The following C10orf90 variants were observed in gnomAD, a reference collection of about 807,000 sequenced individuals.
C10orf90 encodes the protein (E2-independent) E3 ubiquitin-conjugating enzyme FATS.
C10orf90 carries 56 observed loss-of-function variants against 62.5 expected under a neutral mutation model. That is an observed-to-expected ratio of 0.90 (90% CI 0.72 to 1.12). The LOEUF (loss-of-function observed/expected upper bound fraction) is 1.12. Ranked by LOEUF, C10orf90 falls within the 50% of genes most tolerant of loss-of-function variation. The probability of loss-of-function intolerance (pLI) is 0.00; values close to 1 mark genes in which losing one functional copy is unlikely to be tolerated. For synonymous variants in C10orf90, 386 were observed against 340.4 expected (o/e 1.13, Z -1.47); for missense variants, 970 against 880.4 (o/e 1.10, Z -1.29).
At position 126,622,627 on chromosome 10, in the gene C10orf90, C is replaced by A. The variant is rs533060320; in HGVS notation, c.313+23938G>T. 2.6e-5 allele frequency among the ~76,000 whole-genome samples: 4 copies of A among 152,266 alleles called. No homozygotes were observed. The East Asian group carries it at 7.7e-4, about 29-fold the overall frequency. On this transcript the variant is annotated intron_variant, in intron 2 of 9. Coordinates refer to ENST00000488181, the MANE Select transcript of C10orf90 (RefSeq NM_001350921.2). Reference sequence around the variant, plus strand: ...CTGTCAATAGTGCTAAGGTTGAGGACCCCTCCTTTATGAAACTCTTCCCAA... The same window carrying A: ...CTGTCAATAGTGCTAAGGTTGAGGAACCCTCCTTTATGAAACTCTTCCCAA...
intron 4 of C10orf90, among the ~76,000 whole-genome samples, chr10:126,480,174 G>A (rs556695731): frequency 1.3e-5 from 2 of 152,124 alleles, no homozygotes; most frequent in Non-Finnish European, 2.9e-5. Context: ...ATAAAAAGGT[G>A]CCTCTTGGAT....
At chr10:126,431,592 G>C (rs1333466719) in intron 7 of C10orf90, among the ~76,000 whole-genome samples, 2 of 152,122 alleles carry the variant, frequency 1.3e-5, no homozygotes, top group African/African-American at 2.4e-5. Flanking sequence ...ATTCCACTTA[G>C]GGAAAAGAAA....
At chr10:126,644,838 C>T (rs1253459883) in intron 2 of C10orf90, among the ~76,000 whole-genome samples, 1 of 152,198 alleles carries the variant, frequency 6.6e-6, no homozygotes, top group Non-Finnish European at 1.5e-5. Flanking sequence ...CCCCAAACTC[C>T]CTGTGGGATG....
At position 126,504,376 on chromosome 10, in the gene C10orf90, A is replaced by G. The variant is rs377632627; in HGVS notation, c.1115T>C (p.Ile372Thr). 13 of 1,614,088 alleles carry G rather than the reference A, an allele frequency of 8.1e-6. No homozygotes were observed. Among genetic ancestry groups the G allele is most frequent in the Middle Eastern group, 1.6e-4 (1 of 6,084 alleles). Reference sequence around the variant, plus strand: ...GGGGCTGGCAATTTGAGGTGGCTCAATGGGGACGGAGAGAGACTTGTCTAC... The same window carrying G: ...GGGGCTGGCAATTTGAGGTGGCTCAGTGGGGACGGAGAGAGACTTGTCTAC... ...YYVDKSLSVP[I>T]EPPQIASPKM... Residue 372 changes from isoleucine to threonine, a missense_variant, in exon 4 of 10, where the codon ATT (isoleucine) becomes ACT (threonine). Coordinates refer to ENST00000488181, the MANE Select transcript of C10orf90 (RefSeq NM_001350921.2). The surrounding 1 kb of genome is among the most constrained non-coding windows in gnomAD (Gnocchi z 4.1).
intron 4 of C10orf90, among the ~76,000 whole-genome samples, chr10:126,491,544 G>A (rs560332535): frequency 6.6e-6 from 1 of 152,296 alleles, no homozygotes; most frequent in East Asian, 1.9e-4. Context: ...ATGGCATCGG[G>A]ATTCTCTCAC....
intron 2 of C10orf90, among the ~76,000 whole-genome samples, chr10:126,589,706 G>A (rs1844941959): frequency 6.6e-6 from 1 of 152,134 alleles, no homozygotes; most frequent in South Asian, 2.1e-4. Context: ...CCTGAAGGAA[G>A]CACTAAATAT....
At chr10:126,578,229 T>C (rs188606317) in intron 2 of C10orf90, among the ~76,000 whole-genome samples, 1 of 152,310 alleles carries the variant, frequency 6.6e-6, no homozygotes, top group Admixed American at 6.5e-5. Context: ...ATATTTATAG[T>C]ACATATATCT....
intron 5 of C10orf90, among the ~76,000 whole-genome samples, chr10:126,463,788 C>G (rs982570451): frequency 6.6e-6 from 1 of 152,236 alleles, no homozygotes; most frequent in Non-Finnish European, 1.5e-5. Context: ...CATGGCCCAC[C>G]ACACAGACAC....
At chr10:126,642,337 CCTGG>C in intron 2 of C10orf90, among the ~76,000 whole-genome samples, 1 of 152,088 alleles carries the variant, frequency 6.6e-6, no homozygotes, top group Non-Finnish European at 1.5e-5. Context: ...TCGAGACCAT[CCTGG>C]CTAACATGGT....
chr10:126,560,014 T>C (rs901337828), intron 2 of C10orf90, among the ~76,000 whole-genome samples: 17 of 152,290 alleles, frequency 1.1e-4, no homozygotes, highest in African/African-American at 4.1e-4. Flanking sequence ...CCTCTTTCCT[T>C]TCCTCTCATA....
At chr10:126,595,592 G>C (rs1243442418) in intron 2 of C10orf90, among the ~76,000 whole-genome samples, 1 of 152,170 alleles carries the variant, frequency 6.6e-6, no homozygotes, top group African/African-American at 2.4e-5. Context: ...TCTAGGAGGA[G>C]ACCTGGCCTG....
intron 1 of C10orf90, among the ~76,000 whole-genome samples, chr10:126,658,859 C>T (rs1488493558): frequency 5.3e-5 from 8 of 152,172 alleles, no homozygotes; most frequent in African/African-American, 1.9e-4. Context: ...TCCCAAAATG[C>T]TGAGATTACA....
At chr10:126,458,864 T>C (rs1859759041) in intron 7 of C10orf90, among the ~76,000 whole-genome samples, 176 bp downstream of exon 7, 1 of 152,174 alleles carries the variant, frequency 6.6e-6, no homozygotes. Flanking sequence ...TCTCTCAAAA[T>C]GGGCTGGCTC....
In C10orf90 at chr10:126,602,696, CAA is replaced by C. The variant is rs1845222220; in HGVS notation, c.313+43867_313+43868del. Among the ~76,000 whole-genome samples the C allele has an allele frequency of 7.3e-5, 11 of 150,744 alleles. No individual in the cohort carries two copies. In the South Asian group the frequency reaches 2.3e-3, roughly 32 times the overall value. On this transcript the variant is annotated intron_variant, in intron 2 of 9. Coordinates refer to ENST00000488181, the MANE Select transcript of C10orf90 (RefSeq NM_001350921.2). The stretch of plus-strand genomic sequence containing the variant: ...TGATAGTAGAGGCAATTTAACCCCT[CAA>C]AAAGCAAGATGGGTCTTATAAGGGA...
intron 2 of C10orf90, among the ~76,000 whole-genome samples, chr10:126,519,917 G>A (rs1387853951): frequency 6.6e-6 from 1 of 152,160 alleles, no homozygotes; most frequent in African/African-American, 2.4e-5. Flanking sequence ...CGCCTCAGAG[G>A]CCGGCTGCCT....
intron 2 of C10orf90, among the ~76,000 whole-genome samples, chr10:126,580,795 G>A (rs1052807689): frequency 6.6e-6 from 1 of 152,124 alleles, no homozygotes; most frequent in Non-Finnish European, 1.5e-5. Context: ...TATGTGTGGT[G>A]TGTGTGTGCA....
intron 4 of C10orf90, among the ~76,000 whole-genome samples, chr10:126,468,665 A>T (rs1564814106): frequency 6.6e-6 from 1 of 152,148 alleles, no homozygotes; most frequent in African/African-American, 2.4e-5. Context: ...CCTTAGGGAT[A>T]AGTTGAAGCA....
chr10:126,631,580 T>A lies in C10orf90; in HGVS notation c.313+14985A>T, dbSNP rs145968780. Among the ~76,000 whole-genome samples, 33 of 152,060 alleles carry A rather than the reference T, an allele frequency of 2.2e-4. 1 individual carries two copies. Among genetic ancestry groups the A allele is most frequent in the African/African-American group, 8.0e-4 (33 of 41,466 alleles). On this transcript the variant is annotated intron_variant, in intron 2 of 9. Transcript: ENST00000488181. ...ATTTCAGGAGAGCAAGTTCCCTTGA[T>A]CTCTTGCTCAGCATTGCATGCTCAG...
intron 2 of C10orf90, among the ~76,000 whole-genome samples, chr10:126,565,205 ATGTAATATAATTTTTATATTACATAT>A (rs1205631436): frequency 4.9e-5 from 3 of 61,518 alleles, no homozygotes; most frequent in African/African-American, 1.7e-4. Context: ...ATTACATATT[ATGTAATATAATTTTTATATTACATAT>A]TATGTAATAT....
Sources: allele counts gnomAD v4.1 joint callset (sites outside exome capture counted in the v4.1 genomes callset), GRCh38; gene constraint gnomAD v4.1.1; non-coding constraint Gnocchi (gnomAD v3.1); transcripts MANE v1.5; gene names NCBI Gene and HGNC (gene_info 2026-07-23, HGNC 2026-07-21).